Variants in PDLIM5 observed in about 807,000 individuals in gnomAD.
The protein encoded by PDLIM5 is PDZ and LIM domain protein 5.
Under a neutral mutation model 64.2 loss-of-function variants are expected in PDLIM5, and 34 were observed. That is an observed-to-expected ratio of 0.53 (90% CI 0.40 to 0.71). PDLIM5 has a LOEUF of 0.71. PDLIM5 is among the 30% of genes least tolerant of loss of function. PDLIM5 has a pLI of 0.00. For synonymous variants in PDLIM5, 253 were observed against 269.1 expected (o/e 0.94, Z 0.59); for missense variants, 683 against 733.6 (o/e 0.93, Z 0.80).
At chr4:94,596,473 C>T (rs1466223611) in intron 7 of PDLIM5, among the ~76,000 whole-genome samples, 1 of 150,998 alleles carries the variant, frequency 6.6e-6, no homozygotes, top group African/African-American at 2.4e-5. Flanking sequence ...TGAATTAAAC[C>T]AGATAATTAA....
intron 4 of PDLIM5, 170 bp downstream of exon 4, chr4:94,573,563 C>T: frequency 1.4e-6 from 1 of 712,506 alleles, no homozygotes; most frequent in Non-Finnish European, 2.6e-6. Context: ...GAGATCAGCA[C>T]ATACCATTTG....
In PDLIM5 at chr4:94,523,734, G is replaced by T. The variant is rs376270307; in HGVS notation, c.107G>T (p.Gly36Val). The T allele has an allele frequency of 3.6e-5, 58 of 1,611,934 alleles. No homozygotes were observed. The African/African-American group carries it at 7.1e-4, about 20-fold the overall frequency. ...MPLTISSLKD[G>V]GKAAQANVRI... ...ATATATTTATTACAGCTAAAAGATG[G>T]CGGCAAGGCAGCCCAGGCAAATGTA... The change falls in exon 3 of 13, where the codon GGC (glycine) becomes GTC (valine). Residue 36 changes from glycine to valine, a missense_variant. By Grantham distance (109) the Gly-to-Val change is moderately radical. Coordinates refer to ENST00000317968, the MANE Select transcript of PDLIM5 (RefSeq NM_006457.5).
intron 2 of PDLIM5, among the ~76,000 whole-genome samples, chr4:94,467,772 C>T (rs528947280): frequency 6.6e-6 from 1 of 152,074 alleles, no homozygotes; most frequent in Non-Finnish European, 1.5e-5. Flanking sequence ...TTTGTCTTTC[C>T]GACCCAACAG....
intron 2 of PDLIM5, among the ~76,000 whole-genome samples, chr4:94,523,408 G>T (rs1730006043): frequency 6.6e-6 from 1 of 152,102 alleles, no homozygotes; most frequent in Non-Finnish European, 1.5e-5. Flanking sequence ...AGTTTCCTTG[G>T]CTGCTTCTCT....
chr4:94,532,202 G>A (rs1404378838), intron 3 of PDLIM5, among the ~76,000 whole-genome samples: 1 of 152,122 alleles, frequency 6.6e-6, no homozygotes. Flanking sequence ...CATCATTACA[G>A]CAGTTACTAC....
chr4:94,572,743 G>T (rs778944877), intron 3 of PDLIM5, among the ~76,000 whole-genome samples: 1 of 152,106 alleles, frequency 6.6e-6, no homozygotes, highest in Admixed American at 6.5e-5. Context: ...CATGGTCATT[G>T]CCTTCTCTGA....
intron 2 of PDLIM5, among the ~76,000 whole-genome samples, chr4:94,522,847 T>A (rs1209986726): frequency 1.3e-5 from 2 of 152,188 alleles, no homozygotes; most frequent in African/African-American, 4.8e-5. Flanking sequence ...AGCAACTCAG[T>A]ATTCAGTGTG....
At chr4:94,654,165 A>G (rs1204568145) in intron 9 of PDLIM5, among the ~76,000 whole-genome samples, 1 of 152,114 alleles carries the variant, frequency 6.6e-6, no homozygotes, top group African/African-American at 2.4e-5. Context: ...CATGATGCAG[A>G]CAGATTGCCT....
chr4:94,551,915 A>G (rs943135598), intron 3 of PDLIM5, among the ~76,000 whole-genome samples: 5 of 152,162 alleles, frequency 3.3e-5, no homozygotes, highest in African/African-American at 1.2e-4. Context: ...GAAATACATT[A>G]TTCATTCTCT....
intron 2 of PDLIM5, among the ~76,000 whole-genome samples, chr4:94,469,625 A>G (rs2090579868): frequency 6.6e-6 from 1 of 152,226 alleles, no homozygotes; most frequent in Non-Finnish European, 1.5e-5. Context: ...ATTGGAGGCC[A>G]TGGTAGGACA....
chr4:94,572,270 A>G (rs1427125965), intron 3 of PDLIM5, among the ~76,000 whole-genome samples: 1 of 152,176 alleles, frequency 6.6e-6, no homozygotes, highest in Non-Finnish European at 1.5e-5. Context: ...TCAAATTGCT[A>G]CTGGCATATT....
At chr4:94,632,021 T>C (rs766234469) in intron 8 of PDLIM5, among the ~76,000 whole-genome samples, 4 of 152,248 alleles carry the variant, frequency 2.6e-5, no homozygotes, top group Non-Finnish European at 5.9e-5. Flanking sequence ...TTAACATGCA[T>C]GTGCTGTCCT....
intron 9 of PDLIM5, among the ~76,000 whole-genome samples, chr4:94,643,201 A>T (rs1007093527): frequency 1.3e-5 from 2 of 152,116 alleles, no homozygotes; most frequent in South Asian, 2.1e-4. Flanking sequence ...AAGTTTAAAA[A>T]TTTTTTGGTT....
At chr4:94,640,499 G>GT (rs1441884677) in intron 9 of PDLIM5, 49 bp downstream of exon 9, 16 of 1,066,614 alleles carry the variant, frequency 1.5e-5, no homozygotes, top group South Asian at 3.4e-5. Flanking sequence ...ATCAATGTTG[G>GT]GTTTTTTTTT....
intron 2 of PDLIM5, among the ~76,000 whole-genome samples, chr4:94,494,852 G>A (rs755894450): frequency 2.6e-5 from 4 of 151,940 alleles, no homozygotes; most frequent in Non-Finnish European, 4.4e-5. Flanking sequence ...TGGTTCAAGC[G>A]ATTCTCCTGC....
intron 2 of PDLIM5, among the ~76,000 whole-genome samples, chr4:94,494,811 C>T (rs1022823233): frequency 6.6e-6 from 1 of 150,934 alleles, no homozygotes; most frequent in Non-Finnish European, 1.5e-5. Context: ...TGCAATGGTG[C>T]AATCTCGGCT....
intron 2 of PDLIM5, among the ~76,000 whole-genome samples, chr4:94,486,014 C>T (rs931713985): frequency 3.0e-4 from 45 of 152,140 alleles, no homozygotes; most frequent in African/African-American, 8.9e-4. Flanking sequence ...ATCAGGAAGG[C>T]GGAACTGGGG....
intron 7 of PDLIM5, among the ~76,000 whole-genome samples, chr4:94,606,825 T>C (rs530083970): frequency 1.3e-5 from 2 of 152,316 alleles, no homozygotes; most frequent in Admixed American, 1.3e-4. Flanking sequence ...CATAGACATA[T>C]GAAGAATGAA....
intron 2 of PDLIM5, among the ~76,000 whole-genome samples, chr4:94,516,176 A>G (rs961776936): frequency 2.0e-5 from 3 of 152,216 alleles, no homozygotes; most frequent in African/African-American, 7.2e-5. Context: ...TGTATCAGCA[A>G]AAGCCCTGTG....
Sources: allele counts gnomAD v4.1 joint callset (sites outside exome capture counted in the v4.1 genomes callset), GRCh38; gene constraint gnomAD v4.1.1; transcripts MANE v1.5; gene names NCBI Gene and HGNC (gene_info 2026-07-23, HGNC 2026-07-21).